The following CDH12 variants were observed in gnomAD, a reference collection of about 807,000 sequenced individuals.
The protein encoded by CDH12 is cadherin-12.
Under a neutral mutation model 74.1 loss-of-function variants are expected in CDH12, and 41 were observed. The ratio of observed to expected loss-of-function variants is 0.55; its 90% CI spans 0.43 to 0.72. CDH12 has a LOEUF of 0.72. Ranked by LOEUF, CDH12 falls within the 30% of genes least tolerant of loss-of-function variation. The probability of loss-of-function intolerance (pLI) is 0.00; values close to 1 mark genes in which losing one functional copy is unlikely to be tolerated. For missense variants in CDH12, 945 were observed against 977.2 expected (o/e 0.97, Z 0.44); for synonymous variants, 399 against 355.0 (o/e 1.12, Z -1.39).
At chr5:21,875,335 A>G (rs1579881419) in intron 6 of CDH12, among the ~76,000 whole-genome samples, 1 of 152,194 alleles carries the variant, frequency 6.6e-6, no homozygotes, top group African/African-American at 2.4e-5. Flanking sequence ...GAACTTATTT[A>G]TGCATTAATT....
At chr5:21,873,486 G>T (rs75758291) in intron 6 of CDH12, among the ~76,000 whole-genome samples, 190 of 152,254 alleles carry the variant, frequency 1.2e-3, no homozygotes, top group African/African-American at 4.4e-3. Flanking sequence ...TGACAAGATT[G>T]TCACAGACCA....
At chr5:21,982,505 A>G (rs1342121209) in intron 5 of CDH12, among the ~76,000 whole-genome samples, 1 of 151,716 alleles carries the variant, frequency 6.6e-6, no homozygotes, top group Non-Finnish European at 1.5e-5. Flanking sequence ...ATAGATATCT[A>G]TACCTATATA....
intron 1 of CDH12, among the ~76,000 whole-genome samples, chr5:22,805,058 T>G (rs1262407830): frequency 1.3e-5 from 2 of 152,198 alleles, no homozygotes; most frequent in Non-Finnish European, 2.9e-5. Context: ...TAAAATGCTA[T>G]AATGATTTTG....
At chr5:22,429,259 G>A (rs1191430433) in intron 2 of CDH12, among the ~76,000 whole-genome samples, 2 of 152,088 alleles carry the variant, frequency 1.3e-5, no homozygotes, top group Admixed American at 6.6e-5. Context: ...AGCCTCCTGA[G>A]TAGATGGGAC....
chr5:21,926,630 A>T (rs1485317422), intron 6 of CDH12, among the ~76,000 whole-genome samples: 1 of 152,228 alleles, frequency 6.6e-6, no homozygotes, highest in Non-Finnish European at 1.5e-5. Context: ...CCCCAAATTA[A>T]GTACCCTCCA....
At chr5:22,823,737 A>G (rs1021502102) in intron 1 of CDH12, among the ~76,000 whole-genome samples, 8 of 152,060 alleles carry the variant, frequency 5.3e-5, no homozygotes, top group Non-Finnish European at 1.2e-4. Context: ...GGGAGTTCTC[A>G]GGAGATCTGA....
intron 2 of CDH12, among the ~76,000 whole-genome samples, chr5:22,498,308 G>C (rs369379328): frequency 6.6e-6 from 1 of 151,742 alleles, no homozygotes; most frequent in South Asian, 2.1e-4. Context: ...TTAATAACTT[G>C]TTTGTATTCT....
chr5:22,191,931 G>GT (rs67747789), intron 4 of CDH12, among the ~76,000 whole-genome samples: 2 of 151,192 alleles, frequency 1.3e-5, no homozygotes, highest in East Asian at 4.0e-4. Context: ...TAATACTCAT[G>GT]TTTTTTGTTT....
intron 1 of CDH12, among the ~76,000 whole-genome samples, chr5:22,543,189 T>TTAA (rs1738178607): frequency 6.6e-6 from 1 of 152,092 alleles, no homozygotes; most frequent in African/African-American, 2.4e-5. Flanking sequence ...CAATACAGAG[T>TTAA]TAATAGGAGA....
At chr5:21,843,707 G>A (rs1440177537) in intron 7 of CDH12, among the ~76,000 whole-genome samples, 1 of 151,870 alleles carries the variant, frequency 6.6e-6, no homozygotes, top group Non-Finnish European at 1.5e-5. Context: ...GAGATGGGGT[G>A]ACACCTTTTT....
At chr5:22,391,833 T>A (rs1347637521) in intron 3 of CDH12, among the ~76,000 whole-genome samples, 1 of 152,110 alleles carries the variant, frequency 6.6e-6, no homozygotes, top group Admixed American at 6.6e-5. Flanking sequence ...CTTCCATATT[T>A]TATAGACTTT....
At chr5:21,763,519 A>G (rs1441811633) in intron 12 of CDH12, among the ~76,000 whole-genome samples, 1 of 152,194 alleles carries the variant, frequency 6.6e-6, no homozygotes, top group East Asian at 1.9e-4. Flanking sequence ...GACTTATTTC[A>G]AGTAAGAAAT....
chr5:21,905,747 TA>T (rs1753613261), intron 6 of CDH12, among the ~76,000 whole-genome samples: 3 of 16,094 alleles, frequency 1.9e-4, no homozygotes, highest in Admixed American at 1.8e-3. Context: ...CATCAATTAC[TA>T]TGTTTAAAGT....
intron 1 of CDH12, among the ~76,000 whole-genome samples, chr5:22,684,337 T>C (rs766643717): frequency 1.3e-5 from 2 of 152,230 alleles, no homozygotes; most frequent in Admixed American, 1.3e-4. Context: ...AGTTATTTTA[T>C]AATATACAAT....
intron 1 of CDH12, among the ~76,000 whole-genome samples, chr5:22,815,469 T>A (rs1749341512): frequency 6.6e-6 from 1 of 152,014 alleles, no homozygotes; most frequent in South Asian, 2.1e-4. Context: ...TGGAGAGATC[T>A]ATAGAAATAG....
chr5:21,847,033 T>C (rs1469464471), intron 7 of CDH12, among the ~76,000 whole-genome samples: 1 of 152,140 alleles, frequency 6.6e-6, no homozygotes, highest in African/African-American at 2.4e-5. Context: ...CTGCTCTCCA[T>C]AGAGCAGCCA....
At chr5:22,073,964 G>A (rs761461435) in intron 5 of CDH12, among the ~76,000 whole-genome samples, 1 of 152,060 alleles carries the variant, frequency 6.6e-6, no homozygotes, top group African/African-American at 2.4e-5. Flanking sequence ...AGTCATATTC[G>A]AGGCTAAAGA....
chr5:22,378,082 T>C (rs1015327996), intron 3 of CDH12, among the ~76,000 whole-genome samples: 1 of 152,158 alleles, frequency 6.6e-6, no homozygotes, highest in African/African-American at 2.4e-5. Flanking sequence ...AATAACATTA[T>C]TTAATTTTAC....
At chr5:22,391,231 G>A (rs889308690) in intron 3 of CDH12, among the ~76,000 whole-genome samples, 1 of 152,172 alleles carries the variant, frequency 6.6e-6, no homozygotes, top group South Asian at 2.1e-4. Context: ...CATGAGATCT[G>A]AATGGATACA....
Sources: allele counts gnomAD v4.1 joint callset (sites outside exome capture counted in the v4.1 genomes callset), GRCh38; gene constraint gnomAD v4.1.1; transcripts MANE v1.5; gene names NCBI Gene and HGNC (gene_info 2026-07-23, HGNC 2026-07-21).